The following MARCHF3 variants were observed in gnomAD, a reference collection of about 807,000 sequenced individuals.
MARCHF3 encodes E3 ubiquitin-protein ligase MARCHF3.
Under a neutral mutation model 24.2 loss-of-function variants are expected in MARCHF3, and 13 were observed. The observed-to-expected ratio is 0.54, with a 90% CI of 0.35 to 0.85. The LOEUF is 0.85. MARCHF3 is among the 40% of genes least tolerant of loss of function. MARCHF3 has a pLI of 0.01. For missense variants in MARCHF3, 276 were observed against 325.0 expected (o/e 0.85, Z 1.16); for synonymous variants, 144 against 137.3 (o/e 1.05, Z -0.34).
chr5:126,934,137 C>T (rs1561435123), intron 1 of MARCHF3, among the ~76,000 whole-genome samples: 1 of 152,160 alleles, frequency 6.6e-6, no homozygotes, highest in Non-Finnish European at 1.5e-5. Flanking sequence ...GTTTATAGAA[C>T]TTCCCTCCAC....
At chr5:126,949,790 G>A (rs1220825324) in intron 1 of MARCHF3, among the ~76,000 whole-genome samples, 1 of 152,156 alleles carries the variant, frequency 6.6e-6, no homozygotes, top group African/African-American at 2.4e-5. Context: ...GATCTGAGAA[G>A]GAAGGAATTG....
intron 1 of MARCHF3, among the ~76,000 whole-genome samples, chr5:126,958,171 C>G (rs1227191869): frequency 6.6e-6 from 1 of 152,104 alleles, no homozygotes; most frequent in Non-Finnish European, 1.5e-5. Flanking sequence ...CAAATCATGG[C>G]TATCTTTCTC....
intron 1 of MARCHF3, among the ~76,000 whole-genome samples, chr5:127,013,117 C>G (rs1386648187): frequency 6.6e-6 from 1 of 152,154 alleles, no homozygotes; most frequent in Non-Finnish European, 1.5e-5. Context: ...TCACAGTGTT[C>G]ACACATGGAA....
chr5:126,875,094 A>T (rs1753103771), intron 4 of MARCHF3, among the ~76,000 whole-genome samples: 1 of 152,090 alleles, frequency 6.6e-6, no homozygotes, highest in African/African-American at 2.4e-5. Context: ...TCCATTACCG[A>T]CAATTTCTTC....
chr5:126,888,592 T>C (rs1490657641), intron 3 of MARCHF3, among the ~76,000 whole-genome samples: 1 of 152,172 alleles, frequency 6.6e-6, no homozygotes, highest in Non-Finnish European at 1.5e-5. Flanking sequence ...TTATCTGAAA[T>C]ATGAGAAGAT....
At chr5:127,020,125 A>G (rs1242898150) in intron 1 of MARCHF3, among the ~76,000 whole-genome samples, 1 of 152,190 alleles carries the variant, frequency 6.6e-6, no homozygotes, top group Non-Finnish European at 1.5e-5. Context: ...AATAACTTTG[A>G]CTTTCACCTC....
chr5:126,921,537 G>A (rs1332044350), intron 1 of MARCHF3, among the ~76,000 whole-genome samples: 1 of 152,226 alleles, frequency 6.6e-6, no homozygotes, highest in Non-Finnish European at 1.5e-5. Flanking sequence ...GAAAACAGCA[G>A]GCTGTTGCCG....
chr5:126,895,602 G>T (rs1176223691), intron 3 of MARCHF3, among the ~76,000 whole-genome samples: 10 of 152,102 alleles, frequency 6.6e-5, no homozygotes, highest in Non-Finnish European at 1.5e-4. Context: ...CTGCTGGGGG[G>T]TGCCTCCCAG....
intron 3 of MARCHF3, chr5:126,899,266 C>A (rs978831181): frequency 1.0e-6 from 1 of 985,060 alleles, no homozygotes; most frequent in Non-Finnish European, 1.2e-6. Context: ...ATCTGCTGCA[C>A]CTGTCAAAAA....
At chr5:126,883,120 G>A (rs1023146262) in intron 3 of MARCHF3, among the ~76,000 whole-genome samples, 1 of 152,144 alleles carries the variant, frequency 6.6e-6, no homozygotes, top group Non-Finnish European at 1.5e-5. Context: ...AATTTATCCT[G>A]CCCACTTGTG....
intron 1 of MARCHF3, among the ~76,000 whole-genome samples, chr5:126,924,748 T>C (rs1444057264): frequency 6.6e-6 from 1 of 152,200 alleles, no homozygotes; most frequent in Non-Finnish European, 1.5e-5. Context: ...TCCAAGGAGA[T>C]TGCTGTGACA....
At chr5:126,969,760 C>A (rs532030335) in intron 1 of MARCHF3, among the ~76,000 whole-genome samples, 2 of 152,158 alleles carry the variant, frequency 1.3e-5, no homozygotes, top group Non-Finnish European at 2.9e-5. Context: ...GATTCCTGAC[C>A]CCCATCTGCA....
chr5:126,921,276 G>T (rs1213672648), intron 1 of MARCHF3, among the ~76,000 whole-genome samples: 5 of 152,172 alleles, frequency 3.3e-5, no homozygotes, highest in African/African-American at 9.7e-5. Context: ...TCTTGAACAT[G>T]GTGGGGATGG....
intron 1 of MARCHF3, among the ~76,000 whole-genome samples, chr5:126,975,685 CAG>C (rs1426122751): frequency 6.6e-6 from 1 of 152,290 alleles, no homozygotes; most frequent in East Asian, 1.9e-4. Context: ...ACAGCAAAGG[CAG>C]AGTCTGTTGG....
chr5:126,988,170 A>G (rs1751632555), intron 1 of MARCHF3, among the ~76,000 whole-genome samples: 1 of 152,064 alleles, frequency 6.6e-6, no homozygotes, highest in South Asian at 2.1e-4. Flanking sequence ...CTTACCACAC[A>G]CACATAAACT....
intron 1 of MARCHF3, among the ~76,000 whole-genome samples, chr5:126,965,046 A>T (rs1462357059): frequency 1.3e-5 from 2 of 150,720 alleles, no homozygotes; most frequent in Non-Finnish European, 3.0e-5. Flanking sequence ...AAAAAGAGGG[A>T]ATTTACATCC....
At chr5:126,914,732 T>TCTC in intron 3 of MARCHF3, 198 bp downstream of exon 3, 1 of 609,416 alleles carries the variant, frequency 1.6e-6, no homozygotes, top group South Asian at 2.0e-5. Context: ...AGCTCTCCCT[T>TCTC]CTCTGTGTCT....
At chr5:126,993,365 G>A (rs1252132998) in intron 1 of MARCHF3, among the ~76,000 whole-genome samples, 2 of 152,196 alleles carry the variant, frequency 1.3e-5, no homozygotes. Flanking sequence ...ACATTCAGAT[G>A]AGGAGCTAAA....
chr5:127,022,890 A>G (rs1752854311), intron 1 of MARCHF3, among the ~76,000 whole-genome samples: 1 of 152,238 alleles, frequency 6.6e-6, no homozygotes, highest in Non-Finnish European at 1.5e-5. Flanking sequence ...TCAATCTCCC[A>G]GATGAGACAG....
Sources: allele counts gnomAD v4.1 joint callset (sites outside exome capture counted in the v4.1 genomes callset), GRCh38; gene constraint gnomAD v4.1.1; transcripts MANE v1.5; gene names NCBI Gene and HGNC (gene_info 2026-07-23, HGNC 2026-07-21).